The following DYNC1I1 variants were observed in gnomAD, a reference collection of about 807,000 sequenced individuals.
DYNC1I1 encodes the protein dynein cytoplasmic 1 intermediate chain 1.
A neutral mutation model predicts 86.6 loss-of-function variants in DYNC1I1; 43 were observed. The observed-to-expected ratio is 0.50, with a 90% CI of 0.39 to 0.64. The LOEUF is 0.64. DYNC1I1 is among the 30% of genes least tolerant of loss of function. DYNC1I1 has a pLI of 0.00. For synonymous variants in DYNC1I1, 262 were observed against 283.7 expected (o/e 0.92, Z 0.77); for missense variants, 604 against 788.8 (o/e 0.77, Z 2.81).
chr7:96,022,950 C>G (rs1794589861), intron 10 of DYNC1I1, among the ~76,000 whole-genome samples: 1 of 152,056 alleles, frequency 6.6e-6, no homozygotes, highest in African/African-American at 2.4e-5. Flanking sequence ...TGACCCATGA[C>G]TCATGTCGTC....
chr7:96,071,550 C>T (rs1162574353), intron 14 of DYNC1I1, among the ~76,000 whole-genome samples: 1 of 152,190 alleles, frequency 6.6e-6, no homozygotes, highest in South Asian at 2.1e-4. Context: ...TCATACAAAC[C>T]TTCAGTGAAC....
At chr7:95,871,634 A>G (rs1246269586) in intron 6 of DYNC1I1, among the ~76,000 whole-genome samples, 2 of 152,196 alleles carry the variant, frequency 1.3e-5, no homozygotes, top group Non-Finnish European at 2.9e-5. Context: ...TACTTAAGAT[A>G]TTGGAAGTGG....
At chr7:95,913,296 G>A (rs1054416477) in intron 6 of DYNC1I1, among the ~76,000 whole-genome samples, 1 of 152,128 alleles carries the variant, frequency 6.6e-6, no homozygotes, top group African/African-American at 2.4e-5. Flanking sequence ...AAATAGAACA[G>A]AGCTCTTGAG....
At chr7:95,929,026 T>A (rs1331238061) in intron 6 of DYNC1I1, among the ~76,000 whole-genome samples, 1 of 152,054 alleles carries the variant, frequency 6.6e-6, no homozygotes, top group African/African-American at 2.4e-5. Context: ...AAGATAAGAG[T>A]CCTGCAACTG....
At chr7:96,034,652 C>T (rs1334814119) in intron 12 of DYNC1I1, among the ~76,000 whole-genome samples, 2 of 152,198 alleles carry the variant, frequency 1.3e-5, no homozygotes, top group African/African-American at 2.4e-5. Context: ...ACAGCATCCT[C>T]TCCTTTATCC....
intron 1 of DYNC1I1, among the ~76,000 whole-genome samples, chr7:95,785,755 GTA>G (rs1157516276): frequency 8.5e-6 from 1 of 117,126 alleles, no homozygotes; most frequent in Non-Finnish European, 1.9e-5. Context: ...ATGTGTGTAT[GTA>G]TATATATGTG....
At chr7:95,800,555 A>G (rs1045724831) in intron 1 of DYNC1I1, among the ~76,000 whole-genome samples, 14 of 152,168 alleles carry the variant, frequency 9.2e-5, no homozygotes, top group Non-Finnish European at 2.1e-4. Context: ...CAAAAGTGCA[A>G]CTGATTGCAG....
intron 14 of DYNC1I1, among the ~76,000 whole-genome samples, chr7:96,045,965 G>T (rs1789200641): frequency 6.6e-6 from 1 of 152,176 alleles, no homozygotes; most frequent in Non-Finnish European, 1.5e-5. Context: ...AGCACAATGA[G>T]GTTAGCATGA....
At chr7:96,110,226 G>C (rs887533489), downstream of DYNC1I1, 49 of 260,756 alleles carry the variant, frequency 1.9e-4, no homozygotes, top group Admixed American at 1.8e-3. Flanking sequence ...CCTACATATT[G>C]AGGATTTCAT....
At chr7:95,949,743 C>T (rs973045360) in intron 6 of DYNC1I1, among the ~76,000 whole-genome samples, 48 of 152,142 alleles carry the variant, frequency 3.2e-4, no homozygotes, top group African/African-American at 1.1e-3. Context: ...CTGTAATTAA[C>T]AGGTAAATGT....
chr7:95,941,857 C>A (rs966622106), intron 6 of DYNC1I1, among the ~76,000 whole-genome samples: 3 of 152,188 alleles, frequency 2.0e-5, no homozygotes, highest in African/African-American at 7.2e-5. Context: ...GAACCCGGTA[C>A]CTCAGATGGA....
At chr7:95,945,562 G>T (rs1162060816) in intron 6 of DYNC1I1, among the ~76,000 whole-genome samples, 4 of 151,996 alleles carry the variant, frequency 2.6e-5, no homozygotes, top group African/African-American at 9.7e-5. Context: ...CATTCATTTT[G>T]TTTTTCCTTT....
intron 6 of DYNC1I1, among the ~76,000 whole-genome samples, chr7:95,902,917 A>G (rs988894617): frequency 1.3e-5 from 2 of 152,150 alleles, no homozygotes; most frequent in Non-Finnish European, 2.9e-5. Flanking sequence ...ATCTTATTCC[A>G]TGGAGAACAG....
chr7:95,947,952 C>A (rs1792447482), intron 6 of DYNC1I1, among the ~76,000 whole-genome samples: 1 of 145,848 alleles, frequency 6.9e-6, no homozygotes, highest in Admixed American at 6.8e-5. Context: ...TTAATAAAGT[C>A]TGTCAAAAAC....
In DYNC1I1 at chr7:96,067,295, CA is replaced by C. The variant is rs1790020768; in HGVS notation, c.1510-8759del. On this transcript the variant is annotated intron_variant, in intron 14 of 16. Coordinates refer to ENST00000447467, the MANE Select transcript of DYNC1I1 (RefSeq NM_001135556.2). The stretch of plus-strand genomic sequence containing the variant: ...AAAGCCCTGCTGGCTGCCTTTCTAA[CA>C]AACACAATGTTCAGGTGGTGTCTGA... Among the ~76,000 whole-genome samples, 4 of 152,148 alleles carry C rather than the reference CA, an allele frequency of 2.6e-5. No individual in the cohort carries two copies. In the South Asian group the frequency reaches 8.3e-4, roughly 32 times the overall value.
downstream of DYNC1I1, among the ~76,000 whole-genome samples, chr7:96,101,462 A>G (rs1344114745): frequency 6.6e-6 from 1 of 152,152 alleles, no homozygotes; most frequent in East Asian, 1.9e-4. Context: ...ATCTATTGTG[A>G]TGATCTCCCC....
intron 1 of DYNC1I1, among the ~76,000 whole-genome samples, chr7:95,796,753 C>T (rs1358572960): frequency 6.6e-6 from 1 of 151,906 alleles, no homozygotes; most frequent in African/African-American, 2.4e-5. Flanking sequence ...TCAACTCTAT[C>T]TTATCAGAAT....
intron 6 of DYNC1I1, among the ~76,000 whole-genome samples, chr7:95,916,061 A>G (rs1463935887): frequency 6.6e-6 from 1 of 152,218 alleles, no homozygotes; most frequent in Admixed American, 6.5e-5. Flanking sequence ...TTTCTCTAAG[A>G]ATATATGCCC....
At chr7:96,016,596 T>A (rs1168258704) in intron 10 of DYNC1I1, among the ~76,000 whole-genome samples, 1 of 152,192 alleles carries the variant, frequency 6.6e-6, no homozygotes, top group East Asian at 1.9e-4. Flanking sequence ...TGAATCTGGT[T>A]AGCTTATTTT....
Sources: allele counts gnomAD v4.1 joint callset (sites outside exome capture counted in the v4.1 genomes callset), GRCh38; gene constraint gnomAD v4.1.1; transcripts MANE v1.5; gene names NCBI Gene and HGNC (gene_info 2026-07-23, HGNC 2026-07-21).